Variants in RBFOX1 observed in about 807,000 individuals in gnomAD.
RBFOX1 encodes RNA binding fox-1 homolog 1.
A neutral mutation model predicts 57.7 loss-of-function variants in RBFOX1; 8 were observed. The ratio of observed to expected loss-of-function variants is 0.14; its 90% CI spans 0.08 to 0.25. The LOEUF is 0.25. Among genes scored for constraint, RBFOX1 ranks in the 10% least tolerant of loss-of-function variants. The probability of loss-of-function intolerance (pLI) is 1.00; values close to 1 mark genes in which losing one functional copy is unlikely to be tolerated. For missense variants in RBFOX1, 611 were observed against 548.5 expected, an observed-to-expected ratio of 1.11 and a Z score of -1.14; for synonymous variants, 326 against 222.4, an observed-to-expected ratio of 1.47 and a Z score of -4.15.
chr16:7,552,898 G>C (rs1470381655), intron 5 of RBFOX1, among the ~76,000 whole-genome samples: 6 of 151,968 alleles, frequency 3.9e-5, no homozygotes, highest in Non-Finnish European at 8.8e-5. Flanking sequence ...GGCCAGGCTG[G>C]TCTCAAACTG....
intron 4 of RBFOX1, among the ~76,000 whole-genome samples, chr16:7,370,536 T>A (rs958675170): frequency 6.6e-6 from 1 of 152,162 alleles, no homozygotes; most frequent in Admixed American, 6.5e-5. Flanking sequence ...CCCTCCCCAC[T>A]CTTTTTAACT....
intron 3 of RBFOX1, among the ~76,000 whole-genome samples, chr16:6,941,030 G>A (rs2078348799): frequency 1.3e-5 from 2 of 151,944 alleles, no homozygotes; most frequent in Admixed American, 1.3e-4. Flanking sequence ...ACTTCTATAT[G>A]TGTATGGACG....
chr16:6,182,550 T>C (rs1003830474), intron 1 of RBFOX1, among the ~76,000 whole-genome samples: 1 of 152,248 alleles, frequency 6.6e-6, no homozygotes, highest in Non-Finnish European at 1.5e-5. Context: ...TATTGCCACA[T>C]AACTTTGTAT....
At chr16:6,401,995 T>G (rs1310539966) in intron 2 of RBFOX1, among the ~76,000 whole-genome samples, 1 of 151,678 alleles carries the variant, frequency 6.6e-6, no homozygotes, top group Non-Finnish European at 1.5e-5. Context: ...ACCAGCTAAC[T>G]GTCGAAACGT....
At chr16:5,829,886 T>C (rs2056203067) in intron 3 of RBFOX1, among the ~76,000 whole-genome samples, 1 of 152,140 alleles carries the variant, frequency 6.6e-6, no homozygotes, top group African/African-American at 2.4e-5. Flanking sequence ...AGAAAAGGCC[T>C]TTGGTTTTTT....
chr16:5,447,100 C>G (rs565040308), intron 1 of RBFOX1, among the ~76,000 whole-genome samples: 1 of 152,112 alleles, frequency 6.6e-6, no homozygotes, highest in Non-Finnish European at 1.5e-5. Flanking sequence ...CTGTGACTAC[C>G]GCATGAGCCC....
At position 5,881,113 on chromosome 16, in the gene RBFOX1, T is replaced by C. The variant is rs143169562; in HGVS notation, c.351+13778T>C. Among the ~76,000 whole-genome samples the C allele has an allele frequency of 4.0e-3, 609 of 152,322 alleles. 5 individuals are homozygous for C. The highest frequency in any genetic ancestry group is 0.014 in the African/African-American group (589 of 41,564). The stretch of plus-strand genomic sequence containing the variant: ...GAAAATCAAGTTTTATTTTTTCCTA[T>C]CGAAGTTCACGGACTCACTGTGTTC... On this transcript the variant is annotated intron_variant, in intron 4 of 19. Coordinates refer to the RBFOX1 transcript ENST00000641259.
chr16:5,995,768 T>C (rs1228914167), intron 4 of RBFOX1, among the ~76,000 whole-genome samples: 1 of 152,106 alleles, frequency 6.6e-6, no homozygotes, highest in Non-Finnish European at 1.5e-5. Context: ...GTACCATAAA[T>C]AGGGTAGGGA....
chr16:5,249,907 A>G (rs1448474899), intron 1 of RBFOX1, among the ~76,000 whole-genome samples: 1 of 151,958 alleles, frequency 6.6e-6, no homozygotes, highest in East Asian at 1.9e-4. Flanking sequence ...TGCAGTGAGG[A>G]GGAGGTTGCA....
rs577452923 is a variant in RBFOX1, at chr16:6,316,797, A to T, written c.-126-198A>T. 5.3e-5 allele frequency among the ~76,000 whole-genome samples: 8 copies of T among 152,272 alleles called. No homozygotes were observed. The East Asian group carries it at 1.5e-3, about 29-fold the overall frequency. ...AGATAATAACACCTTCTTTGCCAGG[A>T]TCTGAGAGGATGTAATAAAAATACA... is the stretch of plus-strand genomic sequence containing the variant. On this transcript the variant is annotated intron_variant, in intron 1 of 15. Transcript: ENST00000550418.
intron 1 of RBFOX1, among the ~76,000 whole-genome samples, chr16:6,181,421 T>C (rs1020143828): frequency 6.6e-6 from 1 of 152,198 alleles, no homozygotes; most frequent in Non-Finnish European, 1.5e-5. Flanking sequence ...CTTTGGTTGA[T>C]TTTTAGAGTG....
At chr16:6,952,525 C>T (rs535583195) in intron 3 of RBFOX1, among the ~76,000 whole-genome samples, 1 of 151,960 alleles carries the variant, frequency 6.6e-6, no homozygotes, top group Non-Finnish European at 1.5e-5. Flanking sequence ...GTAGTCCCAC[C>T]TACCTGGGAG....
intron 4 of RBFOX1, among the ~76,000 whole-genome samples, chr16:7,482,753 C>A (rs1337783769): frequency 1.3e-5 from 2 of 151,840 alleles, no homozygotes; most frequent in African/African-American, 2.4e-5. Flanking sequence ...TGCTTATGTT[C>A]TTGGATGTGC....
chr16:7,029,113 CACACACACAT>C (rs1248941418), intron 3 of RBFOX1, among the ~76,000 whole-genome samples: 1 of 93,028 alleles, frequency 1.1e-5, no homozygotes, highest in African/African-American at 5.5e-5. Flanking sequence ...CACACACACA[CACACACACAT>C]ATACGTATAT....
intron 4 of RBFOX1, among the ~76,000 whole-genome samples, chr16:7,342,639 C>G (rs1246423286): frequency 6.6e-6 from 1 of 152,128 alleles, no homozygotes; most frequent in Admixed American, 6.5e-5. Flanking sequence ...TGAGCAAGGA[C>G]ACATGTGTTT....
intron 3 of RBFOX1, among the ~76,000 whole-genome samples, chr16:6,703,139 T>C (rs1309343237): frequency 6.6e-6 from 1 of 152,220 alleles, no homozygotes; most frequent in Non-Finnish European, 1.5e-5. Context: ...ATATCATGTT[T>C]TGTTTTGTTA....
At chr16:6,045,475 G>A (rs1412702169) in intron 1 of RBFOX1, among the ~76,000 whole-genome samples, 1 of 152,162 alleles carries the variant, frequency 6.6e-6, no homozygotes, top group Non-Finnish European at 1.5e-5. Context: ...TGCCATCATT[G>A]CCACATTAAT....
intron 1 of RBFOX1, among the ~76,000 whole-genome samples, chr16:6,155,753 C>T (rs776805106): frequency 2.6e-5 from 4 of 152,136 alleles, no homozygotes; most frequent in Non-Finnish European, 5.9e-5. Flanking sequence ...TGGCTAACAG[C>T]GGCGGCTTCC....
At chr16:6,268,974 C>G (rs781600801) in intron 1 of RBFOX1, among the ~76,000 whole-genome samples, 3 of 152,128 alleles carry the variant, frequency 2.0e-5, no homozygotes, top group Non-Finnish European at 4.4e-5. Context: ...AAAACATCCT[C>G]CTGTATGCTT....
Sources: gnomAD v4.1 joint callset for allele counts (sites outside exome capture counted in the v4.1 genomes callset) on GRCh38, gnomAD v4.1.1 for gene constraint, MANE v1.5 for transcripts, NCBI Gene and HGNC (gene_info 2026-07-23, HGNC 2026-07-21) for gene names.